BEND4: variants seen among roughly 807,000 people sequenced by gnomAD.
BEND4 encodes the protein BEN domain-containing protein 4.
In BEND4, 27 loss-of-function variants were observed where a neutral mutation model predicts 54.7. That is an observed-to-expected ratio of 0.49 (90% confidence interval 0.36 to 0.68). The LOEUF (loss-of-function observed/expected upper bound fraction) is 0.68. Among genes scored for constraint, BEND4 ranks in the 30% least tolerant of loss-of-function variants. BEND4 has a pLI of 0.00. For synonymous variants in BEND4, 327 were observed against 299.5 expected, an observed-to-expected ratio of 1.09 and a Z score of -0.95; for missense variants, 702 against 697.2, an observed-to-expected ratio of 1.01 and a Z score of -0.08.
At chr4:42,120,962 G>A (rs751914818) in intron 4 of BEND4, among the ~76,000 whole-genome samples, 1 of 151,912 alleles carries the variant, frequency 6.6e-6, no homozygotes, top group Admixed American at 6.6e-5. Flanking sequence ...TAAAATTCCC[G>A]GGCTAAATAG....
intron 4 of BEND4, among the ~76,000 whole-genome samples, chr4:42,124,125 C>A (rs1377744643): frequency 6.6e-6 from 1 of 152,150 alleles, no homozygotes; most frequent in East Asian, 1.9e-4. Flanking sequence ...GAGGCTGAGG[C>A]AGGACAATCA....
intron 3 of BEND4, among the ~76,000 whole-genome samples, chr4:42,127,769 T>TAC (rs1720342983): frequency 6.6e-6 from 1 of 152,182 alleles, no homozygotes; most frequent in Non-Finnish European, 1.5e-5. Context: ...ATGTGCAAGG[T>TAC]ACTACCTTGG....
In BEND4 at chr4:42,114,047, A is replaced by C. The variant is rs903446301; in HGVS notation, c.*3471T>G. 6.6e-6 allele frequency: 1 copy of C among 152,198 alleles called. No homozygotes were observed. Among genetic ancestry groups the C allele is most frequent in the African/African-American group, 2.4e-5 (1 of 41,446 alleles). The allele number at this position is 152,198 out of a possible 1,614,324, so 9.4% of individuals were successfully genotyped here. On this transcript the variant is annotated 3_prime_UTR_variant, in exon 6 of 6. Coordinates refer to ENST00000502486, the MANE Select transcript of BEND4 (RefSeq NM_207406.4). ...TGTAAAATGTTCAAGTAAAATGAGA[A>C]AGTACTTGTAAAATTGAAATGGTTA... is the stretch of plus-strand genomic sequence containing the variant.
At chr4:42,135,355 T>C (rs1420255425) in intron 3 of BEND4, among the ~76,000 whole-genome samples, 1 of 152,222 alleles carries the variant, frequency 6.6e-6, no homozygotes, top group Non-Finnish European at 1.5e-5. Flanking sequence ...CAACTTATGA[T>C]TTCTGGAGCA....
At chr4:42,146,400 A>G (rs1458307810) in intron 2 of BEND4, among the ~76,000 whole-genome samples, 1 of 152,260 alleles carries the variant, frequency 6.6e-6, no homozygotes, top group African/African-American at 2.4e-5. Context: ...ATATTTTGTT[A>G]AACAATTTGT....
chr4:42,118,497 C>G (rs962560429), intron 5 of BEND4, among the ~76,000 whole-genome samples: 1 of 152,126 alleles, frequency 6.6e-6, no homozygotes, highest in Non-Finnish European at 1.5e-5. Context: ...GAGCTAGAGA[C>G]AGCAGTCTCT....
chr4:42,139,623 C>T (rs1720816346), intron 3 of BEND4, among the ~76,000 whole-genome samples: 1 of 151,980 alleles, frequency 6.6e-6, no homozygotes, highest in Admixed American at 6.5e-5. Context: ...AGCACTCCTC[C>T]GGAAAGGCAG....
At position 42,111,604 on chromosome 4, in the gene BEND4, A is replaced by G. The variant is rs1419963811; in HGVS notation, c.*5914T>C. On this transcript the variant is annotated 3_prime_UTR_variant, in exon 6 of 6. Coordinates refer to ENST00000502486, the MANE Select transcript of BEND4 (RefSeq NM_207406.4). ...AAAGGGATGTGAAAGCCAAAACTAC[A>G]GGAAAAAATCAACAGATTACTGTAT... 6.6e-6 allele frequency: 1 copy of G among 152,246 alleles called. No homozygotes were observed. The highest frequency in any genetic ancestry group is 1.5e-5 in the Non-Finnish European group (1 of 68,040). 9.4% of individuals were successfully genotyped at this position (152,246 alleles called of 1,614,324 possible). A position where few individuals can be genotyped will look rare whatever the true frequency, so the allele number is the denominator to read the frequency against.
chr4:42,152,252 T>A lies in BEND4; in HGVS notation c.-109A>T. On this transcript the variant is annotated 5_prime_UTR_variant, in exon 2 of 6. Coordinates refer to ENST00000502486, the MANE Select transcript of BEND4 (RefSeq NM_207406.4). ...CCGGGTCTGCCCTGGTGCGCGCGTGTGGGAGGGTGTGTGTCTGTGCCGTGG... is the reference window on the plus strand; with the variant it reads ...CCGGGTCTGCCCTGGTGCGCGCGTGAGGGAGGGTGTGTGTCTGTGCCGTGG... The A allele has an allele frequency of 9.2e-7, 1 of 1,088,692 alleles. No homozygotes were observed. The highest frequency in any genetic ancestry group is 1.2e-6 in the Non-Finnish European group (1 of 866,044). The allele number at this position is 1,088,692 out of a possible 1,614,324, so 67.4% of individuals were successfully genotyped here. A position where few individuals can be genotyped will look rare whatever the true frequency, so the allele number is the denominator to read the frequency against.
intron 3 of BEND4, among the ~76,000 whole-genome samples, chr4:42,137,662 T>C (rs911194333): frequency 6.6e-6 from 1 of 152,080 alleles, no homozygotes; most frequent in Admixed American, 6.6e-5. Flanking sequence ...AGTCTCTGCA[T>C]AGCAATCAAC....
rs1171215377 is a variant in BEND4 at position 42,152,027 on chromosome 4, C to T, written c.117G>A (p.Lys39=). 2 of 1,252,794 alleles carry T rather than the reference C, an allele frequency of 1.6e-6. No homozygotes were observed. Among genetic ancestry groups the T allele is most frequent in the Non-Finnish European group, 2.0e-6 (2 of 992,334 alleles). The allele number at this position is 1,252,794 out of a possible 1,614,324, so 77.6% of individuals were successfully genotyped here. The change falls in exon 2 of 6, where the codon AAG becomes AAA. Residue 39 remains lysine (K), a synonymous_variant. Transcript: ENST00000502486. ...CCACCAGGGTGGGTCGCTCGTAGCGCTTGGCCAGCGCCGGTCTCTTGCTGG... is the reference window on the plus strand; with the variant it reads ...CCACCAGGGTGGGTCGCTCGTAGCGTTTGGCCAGCGCCGGTCTCTTGCTGG... ...TFPSKRPALA[K]RYERPTLVEL... is the part of the protein sequence containing the mutation.
Position 42,117,830 on chromosome 4 carries a change from A to C in BEND4, c.1388-95T>G. The C allele has an allele frequency of 6.4e-6, 5 of 779,114 alleles. No individual in the cohort carries two copies. In the South Asian group the frequency reaches 9.3e-5, roughly 15 times the overall value. 48.3% of individuals were successfully genotyped at this position (779,114 alleles called of 1,614,324 possible). A position where few individuals can be genotyped will look rare whatever the true frequency, so the allele number is the denominator to read the frequency against. On this transcript the variant is annotated intron_variant, in intron 5 of 5. Transcript: ENST00000502486. ...GGCAGGCTGCTTAAACTTTAACAGA[A>C]GCTCTATAAGAAAAGCTTTATGGGA... is the stretch of plus-strand genomic sequence containing the variant.
intron 2 of BEND4, among the ~76,000 whole-genome samples, chr4:42,145,298 A>C (rs966752797): frequency 6.6e-6 from 1 of 152,226 alleles, no homozygotes; most frequent in Non-Finnish European, 1.5e-5. Flanking sequence ...GCAGTGCTCA[A>C]CGTTCCACTG....
At chr4:42,121,903 A>G (rs988385561) in intron 4 of BEND4, among the ~76,000 whole-genome samples, 9 of 152,146 alleles carry the variant, frequency 5.9e-5, no homozygotes, top group African/African-American at 2.2e-4. Flanking sequence ...TGAGGAACAG[A>G]GGCTACGGCT....
At chr4:42,120,974 T>G (rs1259493536) in intron 4 of BEND4, among the ~76,000 whole-genome samples, 2 of 152,214 alleles carry the variant, frequency 1.3e-5, no homozygotes, top group Non-Finnish European at 2.9e-5. Context: ...GCTAAATAGC[T>G]GCAGTGGGAC....
intron 3 of BEND4, among the ~76,000 whole-genome samples, chr4:42,134,098 G>A (rs1361800136): frequency 1.3e-5 from 2 of 152,160 alleles, no homozygotes; most frequent in African/African-American, 4.8e-5. Flanking sequence ...TTCGTAAATA[G>A]TTTTCCTTGG....
intron 2 of BEND4, among the ~76,000 whole-genome samples, chr4:42,144,554 C>G (rs1017791722): frequency 2.6e-5 from 4 of 152,206 alleles, no homozygotes; most frequent in Admixed American, 6.5e-5. Flanking sequence ...GGCCTATGGG[C>G]ACAGGATGAG....
At chr4:42,128,184 C>T (rs943467309) in intron 3 of BEND4, among the ~76,000 whole-genome samples, 2 of 152,144 alleles carry the variant, frequency 1.3e-5, no homozygotes, top group Middle Eastern at 3.2e-3. Flanking sequence ...CAAAAAGACG[C>T]ATATGAAAAA....
chr4:42,145,835 G>A (rs7667105), intron 2 of BEND4, among the ~76,000 whole-genome samples: 3 of 152,118 alleles, frequency 2.0e-5, no homozygotes, highest in Non-Finnish European at 2.9e-5. Context: ...CTACTCAGTA[G>A]AGGATCATAA....
Sources: allele counts gnomAD v4.1 joint callset (sites outside exome capture counted in the v4.1 genomes callset), GRCh38; gene constraint gnomAD v4.1.1; transcripts MANE v1.5; gene names NCBI Gene and HGNC (gene_info 2026-07-23, HGNC 2026-07-21).